The following RND3 variants were observed in gnomAD, a reference collection of about 807,000 sequenced individuals.
The protein encoded by RND3 is Rho family GTPase 3, also known as rho-related GTP-binding protein RhoE.
Under a neutral mutation model 26.5 loss-of-function variants are expected in RND3, and 8 were observed. The observed-to-expected ratio is 0.30, with a 90% CI of 0.18 to 0.54. The LOEUF is 0.54. Among genes scored for constraint, RND3 ranks in the 20% least tolerant of loss-of-function variants. The pLI is 0.94. For synonymous variants in RND3, 113 were observed against 113.0 expected (o/e 1.00, Z 0.00); for missense variants, 207 against 302.8 (o/e 0.68, Z 2.35).
intron 4 of RND3, among the ~76,000 whole-genome samples, chr2:150,473,658 T>A (rs957233075): frequency 5.9e-5 from 9 of 152,160 alleles, no homozygotes; most frequent in African/African-American, 1.9e-4. Flanking sequence ...AAGAAAGAGA[T>A]CTACTAAGAG....
chr2:150,487,474 A>AAAATAT lies in RND3; in HGVS notation c.-38-20_-38-19insATATTT. The AAAATAT allele has an allele frequency of 1.2e-3, 240 of 200,780 alleles. 2 individuals carry two copies. Among genetic ancestry groups the AAAATAT allele is most frequent in the Middle Eastern group, 4.9e-3 (3 of 612 alleles). The allele number at this position is 200,780 out of a possible 1,614,324, so 12.4% of individuals were successfully genotyped here. A position where few individuals can be genotyped will look rare whatever the true frequency, so the allele number is the denominator to read the frequency against. ...ATTTTCTCTTAAGAAGAAAAAAAAAAATATATATATATATATATATTTCTC... is the reference window on the plus strand; with the variant it reads ...ATTTTCTCTTAAGAAGAAAAAAAAAAAAATATATATATATATATATATATATTTCTC... On this transcript the variant is annotated intron_variant, in intron 1 of 5. Coordinates refer to ENST00000263895, the MANE Select transcript of RND3 (RefSeq NM_005168.5).
chr2:150,486,570 GGACCGTGGGAATCCCTTGGGAGGGGCGCA>G lies in RND3; in HGVS notation c.238+95_238+123del, dbSNP rs1391668776. 4 of 779,690 alleles carry G rather than the reference GGACCGTGGGAATCCCTTGGGAGGGGCGCA, an allele frequency of 5.1e-6. No homozygotes were observed. Among genetic ancestry groups the G allele is most frequent in the Middle Eastern group, 2.8e-4 (1 of 3,604 alleles). 48.3% of individuals were successfully genotyped at this position (779,690 alleles called of 1,614,324 possible). A position where few individuals can be genotyped will look rare whatever the true frequency, so the allele number is the denominator to read the frequency against. On this transcript the variant is annotated intron_variant, in intron 3 of 5. Transcript: ENST00000263895. This position sits in a 1 kb window ranked among gnomAD's most constrained non-coding sequence, Gnocchi z 4.5. ...AAGGGATACAATTTTCGCCCAACAGGGACCGTGGGAATCCCTTGGGAGGGGCGCAGACGGCTTGTAGCGCGCGGTTTCCC... is the reference window on the plus strand; with the variant it reads ...AAGGGATACAATTTTCGCCCAACAGGGACGGCTTGTAGCGCGCGGTTTCCC...
intron 3 of RND3, among the ~76,000 whole-genome samples, chr2:150,485,931 G>A (rs1441701603): frequency 6.6e-6 from 1 of 151,968 alleles, no homozygotes; most frequent in African/African-American, 2.4e-5. Context: ...GGTCAAAGGC[G>A]AATAGTGTTG....
chr2:150,482,730 G>C (rs927564128), intron 3 of RND3, among the ~76,000 whole-genome samples: 1 of 140,850 alleles, frequency 7.1e-6, no homozygotes, highest in Non-Finnish European at 1.6e-5. Flanking sequence ...GGCGGGGGTG[G>C]GGGGGGCGGT....
Position 150,469,769 on chromosome 2 carries a change from G to A in RND3, c.*218C>T, listed in dbSNP as rs573024237. On this transcript the variant is annotated 3_prime_UTR_variant, in exon 6 of 6. Transcript: ENST00000263895. ...TCTCATTTTTTGGCATATTTTTCAA[G>A]TCACACTTAAAAACTCTTCCATGTA... 12 of 515,024 alleles carry A rather than the reference G, an allele frequency of 2.3e-5. No homozygotes were observed. The highest frequency in any genetic ancestry group is 9.7e-5 in the African/African-American group (5 of 51,714). The allele number at this position is 515,024 out of a possible 1,614,324, so 31.9% of individuals were successfully genotyped here.
intron 5 of RND3, among the ~76,000 whole-genome samples, chr2:150,470,887 G>A (rs1035870208): frequency 6.6e-6 from 1 of 152,054 alleles, no homozygotes. Context: ...ATTTAAAATC[G>A]ATTTTGAAAT....
intron 3 of RND3, among the ~76,000 whole-genome samples, chr2:150,480,142 GAGTATATGT>G (rs1686245919): frequency 6.6e-6 from 1 of 152,178 alleles, no homozygotes; most frequent in South Asian, 2.1e-4. Flanking sequence ...TTAGGGAAAA[GAGTATATGT>G]ATATGAATAT....
chr2:150,480,838 A>C (rs1044946056), intron 3 of RND3, among the ~76,000 whole-genome samples: 3 of 152,214 alleles, frequency 2.0e-5, no homozygotes, highest in African/African-American at 7.2e-5. Context: ...ACCTTAACCC[A>C]GGTCTTTTAC....
chr2:150,487,431 T>G lies in RND3; in HGVS notation c.-14A>C. 1.4e-6 allele frequency: 2 copies of G among 1,417,876 alleles called. No homozygotes were observed. Among genetic ancestry groups the G allele is most frequent in the Non-Finnish European group, 1.9e-6 (2 of 1,078,268 alleles). The allele number at this position is 1,417,876 out of a possible 1,614,324, so 87.8% of individuals were successfully genotyped here. ...TCTCTCCTTCATTGATGTTGCCTTA[T>G]TTTCTCTTGGAACAGGAATTTTCTC... On this transcript the variant is annotated 5_prime_UTR_variant, in exon 2 of 6. Transcript: ENST00000263895.
intron 3 of RND3, among the ~76,000 whole-genome samples, chr2:150,480,886 C>T (rs1339976306): frequency 1.3e-5 from 2 of 152,152 alleles, no homozygotes; most frequent in Non-Finnish European, 1.5e-5. Flanking sequence ...AAGAATTAAA[C>T]CTAGTTTTGA....
chr2:150,478,976 C>T (rs1686227349), intron 3 of RND3, among the ~76,000 whole-genome samples: 1 of 152,142 alleles, frequency 6.6e-6, no homozygotes, highest in Non-Finnish European at 1.5e-5. Flanking sequence ...GAAGGAAAAA[C>T]TTAGGGAAAC....
intron 2 of RND3, chr2:150,487,058 T>G (rs1047909431): frequency 3.3e-6 from 2 of 600,916 alleles, no homozygotes; most frequent in Non-Finnish European, 2.9e-6. Context: ...AACCAGCCCA[T>G]GTGCAGGCGC....
chr2:150,487,213 G>A (rs138004739), intron 2 of RND3, 55 bp downstream of exon 2: 4 of 1,383,608 alleles, frequency 2.9e-6, no homozygotes, highest in Non-Finnish European at 3.8e-6. Flanking sequence ...CCCACCTCGG[G>A]ACTGGGATCC....
rs1686362493 is a variant in RND3, at chr2:150,486,373, C to T, written c.238+321G>A. The stretch of plus-strand genomic sequence containing the variant: ...CGCACGCAGCGCCCATGCAACACCC[C>T]ACAGTATCGGGCCACCTCGGCCGAC... On this transcript the variant is annotated intron_variant, in intron 3 of 5. Coordinates refer to ENST00000263895, the MANE Select transcript of RND3 (RefSeq NM_005168.5). The surrounding 1 kb of genome is among the most constrained non-coding windows in gnomAD (Gnocchi z 4.5). Among the ~76,000 whole-genome samples the T allele has an allele frequency of 6.6e-6, 1 of 152,146 alleles. No individual in the cohort carries two copies. The highest frequency in any genetic ancestry group is 2.1e-4 in the South Asian group (1 of 4,834).
chr2:150,481,101 C>T (rs1044999651), intron 3 of RND3, among the ~76,000 whole-genome samples: 2 of 152,124 alleles, frequency 1.3e-5, no homozygotes, highest in African/African-American at 2.4e-5. Flanking sequence ...TAAATGTAAG[C>T]GAGTTTCCAC....
At chr2:150,474,724 C>A in intron 4 of RND3, 151 bp downstream of exon 4, 6 of 465,716 alleles carry the variant, frequency 1.3e-5, no homozygotes, top group South Asian at 8.4e-5. Flanking sequence ...AAGTGGAAAC[C>A]CCATTTTGGT....
rs1686053898 is a variant in RND3 at position 150,469,886 on chromosome 2, A to G, written c.*101T>C. 2 of 1,378,464 alleles carry G rather than the reference A, an allele frequency of 1.5e-6. No individual in the cohort carries two copies. Among genetic ancestry groups the G allele is most frequent in the East Asian group, 2.4e-5 (1 of 42,524 alleles). 85.4% of individuals were successfully genotyped at this position (1,378,464 alleles called of 1,614,324 possible). On this transcript the variant is annotated 3_prime_UTR_variant, in exon 6 of 6. Transcript: ENST00000263895. ...CTCAAACGCCTCCTAAGCCTCTGGT[A>G]TACATGACTTTGGCTGTGCACTTCA...
chr2:150,475,822 A>T (rs1020700485), intron 3 of RND3, among the ~76,000 whole-genome samples: 4 of 152,222 alleles, frequency 2.6e-5, no homozygotes, highest in African/African-American at 9.6e-5. Context: ...ACACTGAGGC[A>T]TGATCTAAGG....
At chr2:150,470,265 C>T (rs760878066) in intron 5 of RND3, 27 bp from the exon 6 acceptor site, 1 of 1,607,118 alleles carries the variant, frequency 6.2e-7, no homozygotes, top group Non-Finnish European at 8.5e-7. Flanking sequence ...GGGATTTTAA[C>T]CAGCAATAAG....
Sources: gnomAD v4.1 joint callset for allele counts (sites outside exome capture counted in the v4.1 genomes callset) on GRCh38, gnomAD v4.1.1 for gene constraint, Gnocchi (gnomAD v3.1) non-coding constraint, MANE v1.5 for transcripts, NCBI Gene and HGNC (gene_info 2026-07-23, HGNC 2026-07-21) for gene names.